PHLPP1: variants seen among roughly 807,000 people sequenced by gnomAD.
The protein encoded by PHLPP1 is PH domain leucine-rich repeat-containing protein phosphatase 1.
Under a neutral mutation model 117.2 loss-of-function variants are expected in PHLPP1, and 42 were observed. The ratio of observed to expected loss-of-function variants is 0.36; its 90% CI spans 0.28 to 0.46. The LOEUF is 0.46. Among genes scored for constraint, PHLPP1 ranks in the 20% least tolerant of loss-of-function variants. The probability of loss-of-function intolerance (pLI) is 1.00; values close to 1 mark genes in which losing one functional copy is unlikely to be tolerated. For missense variants in PHLPP1, 2,084 were observed against 2,241.9 expected (o/e 0.93, Z 1.42); for synonymous variants, 1,042 against 970.7 (o/e 1.07, Z -1.37).
chr18:62,835,030 G>T (rs1914853080), intron 2 of PHLPP1, among the ~76,000 whole-genome samples: 2 of 152,056 alleles, frequency 1.3e-5, no homozygotes, highest in South Asian at 4.1e-4. Flanking sequence ...CTTGCTAAAT[G>T]TTCTGGTTTA....
At position 62,979,872 on chromosome 18, in the gene PHLPP1, TTTTG is replaced by T. The variant is rs1216229479; in HGVS notation, c.*445_*448del. The T allele has an allele frequency of 3.8e-5, 6 of 158,476 alleles. No homozygotes were observed. Among genetic ancestry groups the T allele is most frequent in the African/African-American group, 1.4e-4 (6 of 41,508 alleles). The allele number at this position is 158,476 out of a possible 1,614,324, so 9.8% of individuals were successfully genotyped here. On this transcript the variant is annotated 3_prime_UTR_variant, in exon 17 of 17. Coordinates refer to ENST00000262719, the MANE Select transcript of PHLPP1 (RefSeq NM_194449.4). ...TTTTGTTTTGTTTTGTTTTGTTTTG[TTTTG>T]TTTTTGTCTTGAAAATAATAGACAT... is the stretch of plus-strand genomic sequence containing the variant.
At chr18:62,945,615 C>T (rs1447641723) in intron 12 of PHLPP1, among the ~76,000 whole-genome samples, 2 of 152,132 alleles carry the variant, frequency 1.3e-5, no homozygotes, top group Admixed American at 1.3e-4. Flanking sequence ...CAAAGGCTGA[C>T]GCTGGTGTAA....
At chr18:62,732,172 A>G (rs1911245504) in intron 1 of PHLPP1, among the ~76,000 whole-genome samples, 1 of 152,222 alleles carries the variant, frequency 6.6e-6, no homozygotes, top group Non-Finnish European at 1.5e-5. Flanking sequence ...TATTGGCAGA[A>G]GAGGCCATCT....
At chr18:62,848,562 C>G (rs1373018229) in intron 3 of PHLPP1, among the ~76,000 whole-genome samples, 1 of 147,514 alleles carries the variant, frequency 6.8e-6, no homozygotes, top group African/African-American at 2.5e-5. Context: ...CTTCCAGGCT[C>G]AAGTGATCCT....
chr18:62,928,008 G>C (rs1909692651), intron 10 of PHLPP1, among the ~76,000 whole-genome samples: 1 of 152,088 alleles, frequency 6.6e-6, no homozygotes, highest in Non-Finnish European at 1.5e-5. Flanking sequence ...CAAATATTTA[G>C]ATTGTCATTA....
chr18:62,778,137 C>G (rs974123080), intron 1 of PHLPP1, among the ~76,000 whole-genome samples: 11 of 152,140 alleles, frequency 7.2e-5, no homozygotes, highest in African/African-American at 2.7e-4. Context: ...ATATTTACTG[C>G]ATTCTATTGT....
intron 4 of PHLPP1, among the ~76,000 whole-genome samples, chr18:62,864,514 T>A (rs1915722295): frequency 6.6e-6 from 1 of 152,200 alleles, no homozygotes; most frequent in African/African-American, 2.4e-5. Flanking sequence ...AACAGTGAGT[T>A]CCAACAAGAG....
chr18:62,724,691 T>C (rs1227706849), intron 1 of PHLPP1, among the ~76,000 whole-genome samples: 1 of 152,244 alleles, frequency 6.6e-6, no homozygotes, highest in African/African-American at 2.4e-5. Flanking sequence ...AATTGTGTGC[T>C]TTACACAGTT....
Position 62,715,550 on chromosome 18 carries a change from C to G in PHLPP1, c.-134C>G, listed in dbSNP as rs1283168984. 1 of 470,752 alleles carries G rather than the reference C, an allele frequency of 2.1e-6. No homozygotes were observed. Among genetic ancestry groups the G allele is most frequent in the Non-Finnish European group, 3.4e-6 (1 of 292,344 alleles). 29.2% of individuals were successfully genotyped at this position (470,752 alleles called of 1,614,324 possible). On this transcript the variant is annotated 5_prime_UTR_variant, in exon 1 of 17. Coordinates refer to ENST00000262719, the MANE Select transcript of PHLPP1 (RefSeq NM_194449.4). ...ATGCTCCGAATCGCCACATAATCCC[C>G]TGGAACGGCCGCGCACAACGCCATT...
At chr18:62,821,340 C>T (rs113975293) in intron 1 of PHLPP1, among the ~76,000 whole-genome samples, 49 of 151,178 alleles carry the variant, frequency 3.2e-4, no homozygotes, top group African/African-American at 1.1e-3. Context: ...ACAAAAATAA[C>T]AGAAAATCAG....
At chr18:62,946,610 A>G (rs1032633247) in intron 12 of PHLPP1, among the ~76,000 whole-genome samples, 11 of 152,038 alleles carry the variant, frequency 7.2e-5, no homozygotes, top group Admixed American at 3.9e-4. Flanking sequence ...ACACATTTAT[A>G]TGGTTGAGAT....
At chr18:62,880,457 TGAGAA>T (rs1239153333) in intron 4 of PHLPP1, among the ~76,000 whole-genome samples, 2 of 152,216 alleles carry the variant, frequency 1.3e-5, no homozygotes, top group African/African-American at 4.8e-5. Flanking sequence ...TCCTTTGGTT[TGAGAA>T]GAGGAGCAGA....
chr18:62,765,417 T>A (rs957505012), intron 1 of PHLPP1, among the ~76,000 whole-genome samples: 6 of 152,328 alleles, frequency 3.9e-5, no homozygotes, highest in African/African-American at 1.4e-4. Flanking sequence ...CATTTGGATA[T>A]GAAAAGAAAA....
In PHLPP1 at chr18:62,813,360, T is replaced by C. The variant is rs115970574; in HGVS notation, c.1577-16675T>C. Among the ~76,000 whole-genome samples the C allele has an allele frequency of 7.9e-3, 1,199 of 152,258 alleles. 20 individuals carry two copies. Among genetic ancestry groups the C allele is most frequent in the African/African-American group, 0.028 (1,147 of 41,528 alleles). On this transcript the variant is annotated intron_variant, in intron 1 of 16. Transcript: ENST00000262719. Reference sequence around the variant, plus strand: ...GAATAATTGTGATCTGTCCATGGAATCGTGTAATGGAGGGAACTTTAAAGA... The same window carrying C: ...GAATAATTGTGATCTGTCCATGGAACCGTGTAATGGAGGGAACTTTAAAGA...
At chr18:62,780,111 T>C (rs1913076451) in intron 1 of PHLPP1, among the ~76,000 whole-genome samples, 1 of 152,230 alleles carries the variant, frequency 6.6e-6, no homozygotes, top group South Asian at 2.1e-4. Flanking sequence ...TTTTATAGGT[T>C]GTATGCGTAT....
intron 4 of PHLPP1, 57 bp from the exon 5 acceptor site, chr18:62,894,954 T>G: frequency 7.1e-7 from 1 of 1,403,230 alleles, no homozygotes; most frequent in Non-Finnish European, 9.8e-7. Flanking sequence ...ATGCTAAAAT[T>G]ATGATGTTAA....
At chr18:62,825,073 C>G (rs1021654977) in intron 1 of PHLPP1, among the ~76,000 whole-genome samples, 3 of 152,044 alleles carry the variant, frequency 2.0e-5, no homozygotes, top group Admixed American at 6.6e-5. Flanking sequence ...ATTGTCCTCC[C>G]TCAGTCTCCC....
Position 62,895,914 on chromosome 18 carries a change from A to G in PHLPP1, c.2347A>G (p.Thr783Ala), listed in dbSNP as rs753526932. Residue 783 changes from threonine (T) to alanine (A), a missense_variant, in exon 6 of 17, where the codon ACT becomes GCT. By Grantham distance (58) the Thr-to-Ala change is moderately conservative. This residue lies in a region of PHLPP1 where 1,365 missense variants were observed against 1,605.9 expected (regional missense o/e 0.85). Transcript: ENST00000262719. ...CATTCCCGAAGTATTGGAGAAATTG[A>G]CTGCTGTGGATAAACTTTGTATGTC... Reference protein sequence around the residue: ...TDIPEVLEKLTAVDKLCMSGN... With the variant: ...TDIPEVLEKLAAVDKLCMSGN... 4.2e-5 allele frequency: 67 copies of G among 1,613,554 alleles called. No homozygotes were observed. Among genetic ancestry groups the G allele is most frequent in the Non-Finnish European group, 5.5e-5 (65 of 1,179,610 alleles).
At chr18:62,907,251 C>T (rs1916873009) in intron 8 of PHLPP1, among the ~76,000 whole-genome samples, 1 of 26,104 alleles carries the variant, frequency 3.8e-5, no homozygotes, top group African/African-American at 1.2e-4. Context: ...CAGAGCGCCT[C>T]TCCTCCTCCA....
Sources: allele counts gnomAD v4.1 joint callset (sites outside exome capture counted in the v4.1 genomes callset), GRCh38; gene constraint gnomAD v4.1.1; regional missense constraint gnomAD v4.1.1; transcripts MANE v1.5; gene names NCBI Gene and HGNC (gene_info 2026-07-23, HGNC 2026-07-21).